ACVR2A: variants seen among roughly 807,000 people sequenced by gnomAD.
ACVR2A encodes the protein activin receptor type-2A.
In ACVR2A, 7 loss-of-function variants were observed where a neutral mutation model predicts 61.4. The ratio of observed to expected loss-of-function variants is 0.11; its 90% CI spans 0.06 to 0.21. The LOEUF is 0.21. Among genes scored for constraint, ACVR2A ranks in the 10% least tolerant of loss-of-function variants. The pLI is 1.00. For synonymous variants in ACVR2A, 193 were observed against 208.3 expected (o/e 0.93, Z 0.63); for missense variants, 322 against 621.7 (o/e 0.52, Z 5.13).
intron 4 of ACVR2A, among the ~76,000 whole-genome samples, chr2:147,909,383 T>G (rs1174298024): frequency 6.6e-6 from 1 of 152,060 alleles, no homozygotes; most frequent in African/African-American, 2.4e-5. Context: ...ATTTGTTGGA[T>G]GAATGAATGA....
At position 147,928,207 on chromosome 2, in the gene ACVR2A, A is replaced by G. The variant is rs563144810; in HGVS notation, c.*933A>G. 1.3e-5 allele frequency: 2 copies of G among 152,448 alleles called. No individual in the cohort carries two copies. The highest frequency in any genetic ancestry group is 6.6e-5 in the Admixed American group (1 of 15,206). The allele number at this position is 152,448 out of a possible 1,614,324, so 9.4% of individuals were successfully genotyped here. A position where few individuals can be genotyped will look rare whatever the true frequency, so the allele number is the denominator to read the frequency against. ...GTGTTTGGGGAATATTTGAAAATTT[A>G]AAGCATGATTTAAAATTTTTTAAAG... On this transcript the variant is annotated 3_prime_UTR_variant, in exon 11 of 11. Transcript: ENST00000241416.
intron 1 of ACVR2A, among the ~76,000 whole-genome samples, chr2:147,859,351 AAG>A (rs1685668259): frequency 6.6e-6 from 1 of 152,060 alleles, no homozygotes; most frequent in Non-Finnish European, 1.5e-5. Context: ...CAAAACTAAA[AAG>A]AGCTTTCTGT....
At chr2:147,922,320 T>C (rs1187895665) in intron 8 of ACVR2A, among the ~76,000 whole-genome samples, 1 of 152,144 alleles carries the variant, frequency 6.6e-6, no homozygotes, top group Non-Finnish European at 1.5e-5. Flanking sequence ...ATATCTAGAC[T>C]ACTCTCTAGT....
At chr2:147,897,409 A>C (rs1686764434) in intron 2 of ACVR2A, among the ~76,000 whole-genome samples, 1 of 152,154 alleles carries the variant, frequency 6.6e-6, no homozygotes, top group Non-Finnish European at 1.5e-5. Flanking sequence ...ACTGGAAGTA[A>C]AATACAGTGG....
chr2:147,870,376 T>C (rs1195933970), intron 1 of ACVR2A, among the ~76,000 whole-genome samples: 1 of 152,172 alleles, frequency 6.6e-6, no homozygotes, highest in African/African-American at 2.4e-5. Context: ...TGCCCTTTTT[T>C]GATTTAGTCT....
chr2:147,880,841 T>G (rs1471762061), intron 1 of ACVR2A, among the ~76,000 whole-genome samples: 1 of 152,212 alleles, frequency 6.6e-6, no homozygotes, highest in African/African-American at 2.4e-5. Context: ...TAGTGTCCTC[T>G]AAGATTTCTT....
In ACVR2A at chr2:147,860,777, C is replaced by G. The variant is rs1156778637; in HGVS notation, c.55+15570C>G. 2.6e-5 allele frequency among the ~76,000 whole-genome samples: 4 copies of G among 152,266 alleles called. No homozygotes were observed. The East Asian group carries it at 7.7e-4, about 29-fold the overall frequency. ...ATCTTCCCCAGGCCGAGTTGGGATTCTTGCTTTTACAATGGGAATTACTGT... is the reference window on the plus strand; with the variant it reads ...ATCTTCCCCAGGCCGAGTTGGGATTGTTGCTTTTACAATGGGAATTACTGT... On this transcript the variant is annotated intron_variant, in intron 1 of 10. Coordinates refer to ENST00000241416, the MANE Select transcript of ACVR2A (RefSeq NM_001616.5).
At chr2:147,923,168 A>G (rs1687427314) in intron 9 of ACVR2A, 57 bp downstream of exon 9, 6 of 1,528,254 alleles carry the variant, frequency 3.9e-6, no homozygotes, top group Admixed American at 2.0e-5. Flanking sequence ...CATATATGAA[A>G]AGGGATGATA....
chr2:147,890,340 T>TTGTGTG (rs752121132), intron 1 of ACVR2A, among the ~76,000 whole-genome samples: 2 of 54,072 alleles, frequency 3.7e-5, no homozygotes, highest in Non-Finnish European at 8.8e-5. Flanking sequence ...ACCATTAGTA[T>TTGTGTG]AGTGTGTGTG....
intron 1 of ACVR2A, among the ~76,000 whole-genome samples, chr2:147,859,791 T>C (rs945889273): frequency 6.6e-6 from 1 of 152,172 alleles, no homozygotes; most frequent in African/African-American, 2.4e-5. Context: ...AGCTACCTTA[T>C]GAGGTAGTTA....
intron 4 of ACVR2A, among the ~76,000 whole-genome samples, chr2:147,908,206 GT>G (rs1217343001): frequency 5.3e-5 from 8 of 151,926 alleles, no homozygotes; most frequent in Non-Finnish European, 8.8e-5. Flanking sequence ...TTATTTTCTG[GT>G]TTTTTCAGCT....
Position 147,891,570 on chromosome 2 carries a change from C to CA in ACVR2A, c.56-4724dup, listed in dbSNP as rs376008557. ...GTATTTTGTGAGTTGTAAAAACTACCAAAAAAATCCAAAAAAAGAATAATA... is the reference window on the plus strand; with the variant it reads ...GTATTTTGTGAGTTGTAAAAACTACCAAAAAAAATCCAAAAAAAGAATAATA... On this transcript the variant is annotated intron_variant, in intron 1 of 10. Coordinates refer to ENST00000241416, the MANE Select transcript of ACVR2A (RefSeq NM_001616.5). Among the ~76,000 whole-genome samples, 17 of 149,576 alleles carry CA rather than the reference C, an allele frequency of 1.1e-4. No homozygotes were observed. In the East Asian group the frequency reaches 1.6e-3, roughly 14 times the overall value.
rs1686216789 is a variant in ACVR2A at position 147,878,558 on chromosome 2, A to G, written c.56-17743A>G. Among the ~76,000 whole-genome samples, 6 of 151,918 alleles carry G rather than the reference A, an allele frequency of 3.9e-5. No individual in the cohort carries two copies. In the South Asian group the frequency reaches 1.2e-3, roughly 32 times the overall value. ...TTGCCTTTTCTCTGAGTTTGAGGGG[A>G]AGACTGCCCTTGTTTTGTGTTACAG... On this transcript the variant is annotated intron_variant, in intron 1 of 10. Coordinates refer to ENST00000241416, the MANE Select transcript of ACVR2A (RefSeq NM_001616.5).
At chr2:147,847,916 C>T (rs1161846099) in intron 1 of ACVR2A, among the ~76,000 whole-genome samples, 1 of 152,148 alleles carries the variant, frequency 6.6e-6, no homozygotes, top group African/African-American at 2.4e-5. Flanking sequence ...TTTATCCTAT[C>T]TAGAGTTATG....
chr2:147,844,845 T>G, upstream of ACVR2A: 6 of 265,280 alleles, frequency 2.3e-5, no homozygotes, highest in Non-Finnish European at 4.1e-5. Flanking sequence ...CTGACAGTGA[T>G]TTTGACAGTG....
intron 1 of ACVR2A, among the ~76,000 whole-genome samples, chr2:147,893,323 A>G (rs537458556): frequency 6.6e-6 from 1 of 152,348 alleles, no homozygotes; most frequent in South Asian, 2.1e-4. Flanking sequence ...GAGATTATCA[A>G]TAAAGCCACT....
intron 1 of ACVR2A, among the ~76,000 whole-genome samples, chr2:147,886,658 G>A (rs963223385): frequency 3.9e-5 from 6 of 152,072 alleles, no homozygotes; most frequent in African/African-American, 2.4e-5. Flanking sequence ...AGGGAAATCA[G>A]TAGTAGTTGA....
chr2:147,849,616 T>C (rs2105129739), intron 1 of ACVR2A, among the ~76,000 whole-genome samples: 1 of 152,308 alleles, frequency 6.6e-6, no homozygotes, highest in African/African-American at 2.4e-5. Flanking sequence ...ATGCTTACCT[T>C]GTTTTGAACT....
intron 1 of ACVR2A, among the ~76,000 whole-genome samples, chr2:147,892,873 A>G (rs1487256398): frequency 6.6e-6 from 1 of 151,464 alleles, no homozygotes; most frequent in African/African-American, 2.4e-5. Context: ...AAGATATGGT[A>G]GTTTCTTTTC....
Sources: gnomAD v4.1 joint callset for allele counts (sites outside exome capture counted in the v4.1 genomes callset) on GRCh38, gnomAD v4.1.1 for gene constraint, MANE v1.5 for transcripts, NCBI Gene and HGNC (gene_info 2026-07-23, HGNC 2026-07-21) for gene names.